The following FTCDNL1 variants were observed in gnomAD, a reference collection of about 807,000 sequenced individuals.
The protein encoded by FTCDNL1 is formiminotransferase cyclodeaminase N-terminal like, also known as formiminotransferase N-terminal subdomain-containing protein.
FTCDNL1 carries 11 observed loss-of-function variants against 5.9 expected under a neutral mutation model. The ratio of observed to expected loss-of-function variants is 1.87; its 90% CI spans 1.18 to 3.10. The LOEUF (loss-of-function observed/expected upper bound fraction) is 3.10, where lower values mean the gene tolerates loss of function less well. Ranked by LOEUF, FTCDNL1 falls within the 30% of genes most tolerant of loss-of-function variation. The pLI, the probability that FTCDNL1 is intolerant of heterozygous loss-of-function variation, is 0.00. For synonymous variants in FTCDNL1, 58 were observed against 24.8 expected (o/e 2.34, Z -3.99); for missense variants, 115 against 65.5 (o/e 1.76, Z -2.61).
At chr2:199,832,671 AG>A (rs1411073647) in intron 3 of FTCDNL1, among the ~76,000 whole-genome samples, 2 of 152,106 alleles carry the variant, frequency 1.3e-5, no homozygotes, top group Non-Finnish European at 2.9e-5. Flanking sequence ...AAAACAGAAA[AG>A]GGGGATCCAC....
the FTCDNL1 span, among the ~76,000 whole-genome samples, chr2:199,738,132 A>G: frequency 6.6e-6 from 1 of 152,182 alleles, no homozygotes; most frequent in Admixed American, 6.5e-5. Flanking sequence ...ACATATTTTG[A>G]ATCATTTTAA....
At chr2:199,758,495 T>TTCATACAC (rs1427155688), downstream of FTCDNL1, among the ~76,000 whole-genome samples, 1 of 151,558 alleles carries the variant, frequency 6.6e-6, no homozygotes, top group African/African-American at 2.4e-5. Flanking sequence ...ACCCTCATAC[T>TTCATACAC]TCATACACTG....
At chr2:199,698,918 G>A in the FTCDNL1 span, among the ~76,000 whole-genome samples, 1 of 152,048 alleles carries the variant, frequency 6.6e-6, no homozygotes, top group East Asian at 1.9e-4. Context: ...AACACAATGA[G>A]AAATGGCAAA....
chr2:199,734,080 GC>G, the FTCDNL1 span, among the ~76,000 whole-genome samples: 1 of 152,058 alleles, frequency 6.6e-6, no homozygotes, highest in African/African-American at 2.4e-5. Flanking sequence ...AATAAGTAGG[GC>G]AAGCCTGGTT....
At chr2:199,749,545 A>T in the FTCDNL1 span, among the ~76,000 whole-genome samples, 2 of 12,826 alleles carry the variant, frequency 1.6e-4, no homozygotes, top group Non-Finnish European at 1.4e-3. Context: ...TCTCCCCCTA[A>T]AAAAAAAAAG....
chr2:199,713,901 T>C, the FTCDNL1 span, among the ~76,000 whole-genome samples: 13 of 152,164 alleles, frequency 8.5e-5, no homozygotes, highest in Non-Finnish European at 1.5e-5. Context: ...CATCGAAGTC[T>C]CACTTATTTT....
the FTCDNL1 span, among the ~76,000 whole-genome samples, chr2:199,735,322 A>G: frequency 9.9e-5 from 15 of 152,180 alleles, no homozygotes; most frequent in Non-Finnish European, 1.9e-4. Context: ...TCCGTGCCAC[A>G]TCATTTATGC....
At position 199,851,119 on chromosome 2, in the gene FTCDNL1, T is replaced by C. The variant is rs973870288; in HGVS notation, c.-387A>G. ...GGGCAGGGCGACCGCCCAGCCCAAG[T>C]CGCCGCCGCGCGTGGCCCGCGCGCA... is the stretch of plus-strand genomic sequence containing the variant. On this transcript the variant is annotated 5_prime_UTR_variant, in exon 1 of 5. Coordinates refer to ENST00000420128, the MANE Select transcript of FTCDNL1 (RefSeq NM_001363886.2). 1 of 144,310 alleles carries C rather than the reference T, an allele frequency of 6.9e-6. No homozygotes were observed. Among genetic ancestry groups the C allele is most frequent in the Non-Finnish European group, 1.6e-5 (1 of 64,266 alleles). 8.9% of individuals were successfully genotyped at this position (144,310 alleles called of 1,614,324 possible).
intron 3 of FTCDNL1, among the ~76,000 whole-genome samples, chr2:199,773,682 G>C (rs1335087922): frequency 3.3e-5 from 5 of 152,188 alleles, no homozygotes; most frequent in Non-Finnish European, 5.9e-5. Flanking sequence ...TAATTGTATA[G>C]ATTGAGTGAT....
At chr2:199,765,556 A>ATATATATTTTTTTTTT in intron 3 of FTCDNL1, among the ~76,000 whole-genome samples, 3 of 42,656 alleles carry the variant, frequency 7.0e-5, no homozygotes, top group South Asian at 1.9e-3. Flanking sequence ...ATATATATAT[A>ATATATATTTTTTTTTT]TTTTTTTTTT....
intron 3 of FTCDNL1, among the ~76,000 whole-genome samples, chr2:199,790,475 G>A (rs1699867545): frequency 1.3e-5 from 2 of 149,598 alleles, no homozygotes; most frequent in Non-Finnish European, 1.5e-5. Flanking sequence ...TCCAGCTGGG[G>A]TGACAGAGCG....
chr2:199,735,507 T>G, the FTCDNL1 span, among the ~76,000 whole-genome samples: 11 of 152,206 alleles, frequency 7.2e-5, no homozygotes, highest in African/African-American at 2.7e-4. Flanking sequence ...GTTTACAGCT[T>G]AAATTAGTAC....
At chr2:199,792,111 G>C (rs1363269571) in intron 3 of FTCDNL1, among the ~76,000 whole-genome samples, 1 of 150,530 alleles carries the variant, frequency 6.6e-6, no homozygotes, top group African/African-American at 2.5e-5. Flanking sequence ...AGTAAATTTT[G>C]TTGAAAAGAA....
chr2:199,701,299 TAAAAAAAAAAAAAAAAAAAA>T, the FTCDNL1 span, among the ~76,000 whole-genome samples: 21 of 72,378 alleles, frequency 2.9e-4, 1 homozygote, highest in African/African-American at 8.9e-4. Context: ...CTTGAAAGTT[TAAAAAAAAAAAAAAAAAAAA>T]AAAAAAAAAA....
At chr2:199,834,392 C>T (rs945635843) in intron 3 of FTCDNL1, among the ~76,000 whole-genome samples, 3 of 152,168 alleles carry the variant, frequency 2.0e-5, no homozygotes, top group Admixed American at 6.5e-5. Flanking sequence ...ACACCAGCCT[C>T]GCTCCCTCCT....
the FTCDNL1 span, among the ~76,000 whole-genome samples, chr2:199,707,379 T>C: frequency 6.6e-6 from 1 of 152,014 alleles, no homozygotes; most frequent in East Asian, 1.9e-4. Flanking sequence ...TAATATTTTC[T>C]ATTACTTCTT....
chr2:199,667,291 G>T, the FTCDNL1 span, among the ~76,000 whole-genome samples: 5 of 152,106 alleles, frequency 3.3e-5, no homozygotes, highest in African/African-American at 1.2e-4. Context: ...TAGGCATTGT[G>T]TACAGACGAC....
intron 3 of FTCDNL1, among the ~76,000 whole-genome samples, chr2:199,800,284 C>T (rs1275852210): frequency 6.6e-6 from 1 of 152,136 alleles, no homozygotes; most frequent in Non-Finnish European, 1.5e-5. Context: ...AAGGAAGTTA[C>T]TTAACTTCTC....
At chr2:199,829,179 T>G (rs772347536) in intron 3 of FTCDNL1, among the ~76,000 whole-genome samples, 28 of 151,954 alleles carry the variant, frequency 1.8e-4, no homozygotes, top group Non-Finnish European at 3.8e-4. Context: ...AAAAGACCAG[T>G]TTTTTTTAGG....
Sources: allele counts gnomAD v4.1 joint callset (sites outside exome capture counted in the v4.1 genomes callset), GRCh38; gene constraint gnomAD v4.1.1; transcripts MANE v1.5; gene names NCBI Gene and HGNC (gene_info 2026-07-23, HGNC 2026-07-21).